Variants in GAB2 observed in about 807,000 individuals in gnomAD.
The protein encoded by GAB2 is GRB2 associated binding protein 2, also known as GRB2-associated-binding protein 2.
In GAB2, 26 loss-of-function variants were observed where a neutral mutation model predicts 65.5. That is an observed-to-expected ratio of 0.40 (90% CI 0.29 to 0.55). The LOEUF (loss-of-function observed/expected upper bound fraction) is 0.55. Ranked by LOEUF, GAB2 falls within the 20% of genes least tolerant of loss-of-function variation. The pLI, the probability that GAB2 is intolerant of heterozygous loss-of-function variation, is 0.53. For synonymous variants in GAB2, 321 were observed against 329.6 expected (o/e 0.97, Z 0.28); for missense variants, 884 against 875.8 (o/e 1.01, Z -0.12).
At chr11:78,394,791 G>A (rs116284943) in intron 1 of GAB2, among the ~76,000 whole-genome samples, 104 of 152,276 alleles carry the variant, frequency 6.8e-4, no homozygotes, top group African/African-American at 2.4e-3. Context: ...GTGGACCAGG[G>A]CCAGGTGGTA....
At chr11:78,374,654 G>T (rs1856611051) in intron 1 of GAB2, among the ~76,000 whole-genome samples, 1 of 152,054 alleles carries the variant, frequency 6.6e-6, no homozygotes, top group Non-Finnish European at 1.5e-5. Context: ...TATCTTTAAG[G>T]GTTTGATATT....
intron 1 of GAB2, among the ~76,000 whole-genome samples, chr11:78,390,764 C>T (rs1022885236): frequency 6.6e-6 from 1 of 152,220 alleles, no homozygotes; most frequent in Non-Finnish European, 1.5e-5. Context: ...AGAAATTAGA[C>T]ACTGAAGTAG....
chr11:78,383,117 A>T (rs1198070436), intron 1 of GAB2, among the ~76,000 whole-genome samples: 1 of 152,134 alleles, frequency 6.6e-6, no homozygotes, highest in African/African-American at 2.4e-5. Flanking sequence ...TACCAGTAAC[A>T]CAAAATTAGC....
At chr11:78,393,840 G>T (rs1156730550) in intron 1 of GAB2, among the ~76,000 whole-genome samples, 2 of 152,214 alleles carry the variant, frequency 1.3e-5, no homozygotes, top group African/African-American at 4.8e-5. Context: ...AATCCATAAG[G>T]TAGTTATGTA....
rs368528465 is a variant in GAB2, at chr11:78,301,032, C to T, written c.76-20131G>A. 4.6e-5 allele frequency among the ~76,000 whole-genome samples: 7 copies of T among 152,136 alleles called. No homozygotes were observed. The East Asian group carries it at 9.7e-4, about 21-fold the overall frequency. ...TAATTTCCATTTCTCTGATGATTAA[C>T]GATGGTAAGCAACTTTCCATGTGTT... On this transcript the variant is annotated intron_variant, in intron 1 of 9. Transcript: ENST00000361507.
intron 1 of GAB2, among the ~76,000 whole-genome samples, chr11:78,290,352 T>G (rs182278645): frequency 6.6e-6 from 1 of 152,320 alleles, no homozygotes; most frequent in East Asian, 1.9e-4. Context: ...TAGAAGTGAC[T>G]GTTTTCCTTC....
At chr11:78,310,928 G>T (rs1443968290) in intron 1 of GAB2, among the ~76,000 whole-genome samples, 1 of 152,172 alleles carries the variant, frequency 6.6e-6, no homozygotes, top group African/African-American at 2.4e-5. Context: ...AAAAAAGTTT[G>T]ATTTGTCTCC....
intron 1 of GAB2, among the ~76,000 whole-genome samples, chr11:78,360,058 A>C (rs1856412783): frequency 6.6e-6 from 1 of 152,332 alleles, no homozygotes; most frequent in East Asian, 1.9e-4. Flanking sequence ...GGAGGAAGAG[A>C]CAGTGTGACC....
At chr11:78,343,263 T>C (rs960180102) in intron 1 of GAB2, among the ~76,000 whole-genome samples, 2 of 152,140 alleles carry the variant, frequency 1.3e-5, no homozygotes, top group African/African-American at 2.4e-5. Context: ...AAAATAGTGA[T>C]GAGATGAGTA....
chr11:78,287,641 C>T (rs2134598425), intron 1 of GAB2, among the ~76,000 whole-genome samples: 1 of 149,134 alleles, frequency 6.7e-6, no homozygotes, highest in South Asian at 2.1e-4. Context: ...AGGACATTTG[C>T]TCTTATCATT....
chr11:78,270,099 C>T lies in GAB2; in HGVS notation c.376+10502G>A, dbSNP rs141159405. Among the ~76,000 whole-genome samples the T allele has an allele frequency of 4.9e-3, 744 of 152,158 alleles. 2 individuals are homozygous for T. Among genetic ancestry groups the T allele is most frequent in the African/African-American group, 0.015 (632 of 41,524 alleles). On this transcript the variant is annotated intron_variant, in intron 2 of 9. Coordinates refer to ENST00000361507, the MANE Select transcript of GAB2 (RefSeq NM_080491.3). The stretch of plus-strand genomic sequence containing the variant: ...CACTGAGCACTTTGGAAGGCCAAGG[C>T]GGGTGGATCACGAGATCAGGAGATC...
intron 1 of GAB2, among the ~76,000 whole-genome samples, chr11:78,325,662 T>C (rs772149010): frequency 2.0e-5 from 3 of 152,336 alleles, no homozygotes; most frequent in Non-Finnish European, 4.4e-5. Context: ...ATGTGCCTTC[T>C]TCCTGACCAC....
intron 2 of GAB2, among the ~76,000 whole-genome samples, chr11:78,276,887 G>T (rs915674953): frequency 6.6e-6 from 1 of 151,978 alleles, no homozygotes; most frequent in Non-Finnish European, 1.5e-5. Flanking sequence ...GCACAATCTC[G>T]GCTCACTACA....
chr11:78,333,543 C>T (rs926141026), intron 1 of GAB2, among the ~76,000 whole-genome samples: 2 of 152,202 alleles, frequency 1.3e-5, no homozygotes, highest in East Asian at 1.9e-4. Flanking sequence ...GCTGGGATTA[C>T]AGGTGTTAGC....
At chr11:78,366,869 C>T (rs1408010997) in intron 1 of GAB2, among the ~76,000 whole-genome samples, 2 of 151,514 alleles carry the variant, frequency 1.3e-5, no homozygotes, top group Admixed American at 1.3e-4. Context: ...ACAACATATT[C>T]ATTAGAATCT....
intron 1 of GAB2, among the ~76,000 whole-genome samples, chr11:78,299,132 A>G (rs1300119081): frequency 1.3e-5 from 2 of 152,224 alleles, no homozygotes; most frequent in Non-Finnish European, 2.9e-5. Context: ...ACAATGCACT[A>G]AATTGTTAAT....
At chr11:78,270,336 A>G (rs1217343080) in intron 2 of GAB2, among the ~76,000 whole-genome samples, 1 of 149,790 alleles carries the variant, frequency 6.7e-6, no homozygotes, top group Non-Finnish European at 1.5e-5. Context: ...TCCGTCTTAA[A>G]AAAAAAAAAA....
At chr11:78,262,293 G>C (rs1464113788) in intron 2 of GAB2, among the ~76,000 whole-genome samples, 1 of 152,206 alleles carries the variant, frequency 6.6e-6, no homozygotes, top group Non-Finnish European at 1.5e-5. Flanking sequence ...CCTAGGGATG[G>C]TACCTGAATC....
At chr11:78,268,297 ACT>A (rs561270525) in intron 2 of GAB2, among the ~76,000 whole-genome samples, 241 of 152,164 alleles carry the variant, frequency 1.6e-3, no homozygotes, top group Non-Finnish European at 3.1e-3. Context: ...TAAAACCAGA[ACT>A]CTGTTTCCCA....
Sources: allele counts gnomAD v4.1 joint callset (sites outside exome capture counted in the v4.1 genomes callset), GRCh38; gene constraint gnomAD v4.1.1; transcripts MANE v1.5; gene names NCBI Gene and HGNC (gene_info 2026-07-23, HGNC 2026-07-21).